Variants in GYG2 observed in about 807,000 individuals in gnomAD.
The protein encoded by GYG2 is glycogenin 2, also known as glycogenin-2.
A neutral mutation model predicts 29.4 loss-of-function variants in GYG2; 29 were observed. That is an observed-to-expected ratio of 0.99 (90% CI 0.74 to 1.35). GYG2 has a LOEUF of 1.35. GYG2 is among the 40% of genes most tolerant of loss of function. GYG2 has a pLI of 0.00. For missense variants in GYG2, 370 were observed against 385.7 expected (o/e 0.96, Z 0.34); for synonymous variants, 167 against 172.3 (o/e 0.97, Z 0.24).
chrX:2,844,516 A>T (rs192430824), intron 3 of GYG2, among the ~76,000 whole-genome samples: 58 of 91,878 alleles, frequency 6.3e-4, no homozygotes, highest in African/African-American at 2.3e-3. Context: ...ATATGTGTAT[A>T]CGCACACGCA....
At chrX:2,841,369 GA>G (rs2087496145) in intron 2 of GYG2, among the ~76,000 whole-genome samples, 1 of 28,298 alleles carries the variant, frequency 3.5e-5, no homozygotes, top group Non-Finnish European at 1.1e-4. Context: ...TCCAATGATA[GA>G]TAGATGATGG....
chrX:2,849,317 T>C (rs1018679555), intron 3 of GYG2, among the ~76,000 whole-genome samples: 76 of 111,236 alleles, frequency 6.8e-4, no homozygotes, highest in Non-Finnish European at 1.7e-4. Flanking sequence ...GAAGGGTACT[T>C]TTTCAGAGAA....
At chrX:2,845,755 G>A (rs1434893078) in intron 3 of GYG2, among the ~76,000 whole-genome samples, 3 of 103,547 alleles carry the variant, frequency 2.9e-5, no homozygotes, top group Non-Finnish European at 5.9e-5. Flanking sequence ...TTATGCATGT[G>A]TATGTATATA....
intron 2 of GYG2, among the ~76,000 whole-genome samples, chrX:2,842,253 A>G (rs5982880): frequency 0.34 from 36,054 of 107,464 alleles, 4,442 homozygotes; most frequent in East Asian, 0.43. Context: ...GGAGTTCAGT[A>G]GTGTGATCAT....
At chrX:2,872,417 G>T (rs1012396429) in intron 8 of GYG2, among the ~76,000 whole-genome samples, 11 of 112,218 alleles carry the variant, frequency 9.8e-5, no homozygotes, top group African/African-American at 3.6e-4. Context: ...ATTCATAAAA[G>T]TTGGTTTATG....
chrX:2,844,558 GTA>G (rs759286321), intron 3 of GYG2, among the ~76,000 whole-genome samples: 2 of 78,243 alleles, frequency 2.6e-5, no homozygotes, highest in African/African-American at 1.0e-4. Flanking sequence ...ACACGCATGC[GTA>G]TATGTGTATA....
At position 2,881,149 on chromosome X, in the gene GYG2, T is replaced by C. The variant is rs886396799; in HGVS notation, c.1349T>C (p.Ile450Thr). ...EERRKWEEGR[I>T]DYMGKDAFAR... is the part of the protein sequence containing the mutation. ...AGGAGGAAGTGGGAGGAAGGCCGTA[T>C]CGACTACATGGGGAAGGACGCGTTT... Residue 450 changes from isoleucine to threonine, a missense_variant, in exon 11 of 11, where the codon ATC (isoleucine) becomes ACC (threonine). By Grantham distance (89) the Ile-to-Thr change is moderately conservative (BLOSUM62 -1). Transcript: ENST00000398806. 3 of 1,205,395 alleles carry C rather than the reference T, an allele frequency of 2.5e-6. No individual in the cohort carries two copies. The highest frequency in any genetic ancestry group is 3.5e-5 in the African/African-American group (2 of 57,010).
At chrX:2,837,593 C>A (rs1396489995) in intron 2 of GYG2, among the ~76,000 whole-genome samples, 1 of 110,519 alleles carries the variant, frequency 9.0e-6, no homozygotes, top group Non-Finnish European at 1.9e-5. Context: ...CATTGTAGTT[C>A]CTAAAGGATG....
intron 3 of GYG2, among the ~76,000 whole-genome samples, chrX:2,846,036 C>CTATATATAT (rs2087715107): frequency 3.0e-5 from 1 of 33,056 alleles, no homozygotes; most frequent in African/African-American, 1.1e-4. Context: ...TATATATACA[C>CTATATATAT]ATATATATAT....
At chrX:2,829,793 G>C (rs975149505) in intron 1 of GYG2, among the ~76,000 whole-genome samples, 7 of 110,108 alleles carry the variant, frequency 6.4e-5, no homozygotes, top group Admixed American at 5.7e-4. Flanking sequence ...TCCCGGGGGC[G>C]TTGTCGTTGC....
At chrX:2,863,184 C>G (rs994983330) in intron 8 of GYG2, among the ~76,000 whole-genome samples, 15 of 109,731 alleles carry the variant, frequency 1.4e-4, no homozygotes, top group African/African-American at 5.0e-4. Context: ...ACGCCGTTCT[C>G]CTGCCTCAGC....
intron 2 of GYG2, among the ~76,000 whole-genome samples, chrX:2,839,037 T>C (rs1441536052): frequency 8.9e-6 from 1 of 112,266 alleles, no homozygotes; most frequent in Non-Finnish European, 1.9e-5. Context: ...TATCTGGTAA[T>C]GGTTTATATC....
chrX:2,869,206 G>A (rs1295014930), intron 8 of GYG2, among the ~76,000 whole-genome samples: 1 of 112,171 alleles, frequency 8.9e-6, no homozygotes, highest in Non-Finnish European at 1.9e-5. Flanking sequence ...ATACGACATA[G>A]CAGGTATCAA....
At chrX:2,835,985 G>A (rs1230513586) in intron 2 of GYG2, among the ~76,000 whole-genome samples, 1 of 110,743 alleles carries the variant, frequency 9.0e-6, no homozygotes, top group Non-Finnish European at 1.9e-5. Flanking sequence ...ATCTCTGAGG[G>A]ATGGGTGGTT....
intron 2 of GYG2, among the ~76,000 whole-genome samples, chrX:2,834,694 C>T (rs961566439): frequency 8.9e-6 from 1 of 111,998 alleles, no homozygotes; most frequent in African/African-American, 3.3e-5. Context: ...ATTAGGCCCA[C>T]ACAGACATCT....
intron 2 of GYG2, among the ~76,000 whole-genome samples, chrX:2,838,993 A>G (rs1363795026): frequency 9.0e-6 from 1 of 111,293 alleles, no homozygotes; most frequent in African/African-American, 3.3e-5. Context: ...ATAACTTTTC[A>G]GTTTTCTCTT....
At chrX:2,841,994 CCT>C (rs886566222) in intron 2 of GYG2, among the ~76,000 whole-genome samples, 1 of 111,562 alleles carries the variant, frequency 9.0e-6, no homozygotes, top group African/African-American at 3.3e-5. Flanking sequence ...AGAGCTCCTT[CCT>C]CTCATACTGA....
intron 8 of GYG2, among the ~76,000 whole-genome samples, chrX:2,868,519 ATC>A (rs1264694967): frequency 9.2e-6 from 1 of 108,847 alleles, no homozygotes; most frequent in Non-Finnish European, 1.9e-5. Context: ...TCATCCTTCG[ATC>A]TCACCCCCTA....
chrX:2,877,162 G>A lies in GYG2; in HGVS notation c.1144-38G>A, dbSNP rs369887235. 33 of 1,199,637 alleles carry A rather than the reference G, an allele frequency of 2.8e-5. No individual in the cohort carries two copies. The Admixed American group carries it at 5.7e-4, about 21-fold the overall frequency. On this transcript the variant is annotated intron_variant, in intron 9 of 10. Transcript: ENST00000398806. ...TAGGTTAGGGCTACAGTTCCCTGCA[G>A]CCCACCGCAGACTAATGATGGAATG...
Sources: allele counts gnomAD v4.1 joint callset (sites outside exome capture counted in the v4.1 genomes callset), GRCh38; gene constraint gnomAD v4.1.1; transcripts MANE v1.5; gene names NCBI Gene and HGNC (gene_info 2026-07-23, HGNC 2026-07-21).